ESRP1: variants seen among roughly 807,000 people sequenced by gnomAD.
ESRP1 encodes RNA-binding motif protein 35A.
In ESRP1, 33 loss-of-function variants were observed where a neutral mutation model predicts 81.7. That is an observed-to-expected ratio of 0.40 (90% CI 0.31 to 0.54). The LOEUF is 0.54. Among genes scored for constraint, ESRP1 ranks in the 20% least tolerant of loss-of-function variants. The probability of loss-of-function intolerance (pLI) is 0.41; values close to 1 mark genes in which losing one functional copy is unlikely to be tolerated. For synonymous variants in ESRP1, 320 were observed against 303.3 expected, an observed-to-expected ratio of 1.06 and a Z score of -0.57; for missense variants, 672 against 833.1, an observed-to-expected ratio of 0.81 and a Z score of 2.38.
At chr8:94,689,810 G>GTTTTTTTTT (rs1563545236) in intron 13 of ESRP1, among the ~76,000 whole-genome samples, 1 of 55,328 alleles carries the variant, frequency 1.8e-5, no homozygotes, top group African/African-American at 6.6e-5. Context: ...ATGATGCCTG[G>GTTTTTTTTT]CTTTTTTTTT....
Position 94,706,272 on chromosome 8 carries a change from C to A in ESRP1, c.*383C>A. 3.7e-6 allele frequency: 1 copy of A among 270,692 alleles called. No individual in the cohort carries two copies. The highest frequency in any genetic ancestry group is 7.0e-6 in the Non-Finnish European group (1 of 143,282). The allele number at this position is 270,692 out of a possible 1,614,324, so 16.8% of individuals were successfully genotyped here. The stretch of plus-strand genomic sequence containing the variant: ...AAAACTCCACCAGTGTCTACCATCT[C>A]CACCATGAACTCTGTTAAGGAAGCT... On this transcript the variant is annotated 3_prime_UTR_variant, in exon 16 of 16. Transcript: ENST00000433389.
At chr8:94,678,489 C>T in intron 13 of ESRP1, 118 bp downstream of exon 13, 2 of 1,194,618 alleles carry the variant, frequency 1.7e-6, no homozygotes, top group Non-Finnish European at 2.3e-6. Flanking sequence ...TGGCAGGCCA[C>T]AGCCTCTGGT....
rs58359551 is a variant in ESRP1 at position 94,689,811 on chromosome 8, C to CTTTTTTTTTT, written c.1821-2850_1821-2841dup. Among the ~76,000 whole-genome samples the CTTTTTTTTTT allele has an allele frequency of 1.9e-3, 123 of 64,648 alleles. 13 individuals are homozygous for CTTTTTTTTTT. The highest frequency in any genetic ancestry group is 7.7e-3 in the African/African-American group (112 of 14,502). 42.4% of individuals were successfully genotyped at this position (64,648 alleles called of 152,430 possible). On this transcript the variant is annotated intron_variant, in intron 13 of 15. Coordinates refer to ENST00000433389, the MANE Select transcript of ESRP1 (RefSeq NM_017697.4). ...CACAGGCATGTGCTATGATGCCTGG[C>CTTTTTTTTTT]TTTTTTTTTTTTTTTTTTTTTTTTT... is the stretch of plus-strand genomic sequence containing the variant.
Position 94,671,622 on chromosome 8 carries a change from T to A in ESRP1, c.1403T>A (p.Phe468Tyr). The A allele has an allele frequency of 6.2e-7, 1 of 1,613,960 alleles. No individual in the cohort carries two copies. The highest frequency in any genetic ancestry group is 1.3e-5 in the African/African-American group (1 of 75,024). The stretch of plus-strand genomic sequence containing the variant: ...GACATCCTGGATTTCCTGGGGGAGT[T>A]CGCCACAGATATTCGTACTCATGGG... ...IEDILDFLGE[F>Y]ATDIRTHGVH... is the part of the protein sequence containing the mutation. The change falls in exon 11 of 16, where the codon TTC becomes TAC. Residue 468 changes from phenylalanine to tyrosine, a missense_variant. By Grantham distance (22) the Phe-to-Tyr change is conservative (BLOSUM62 3). Transcript: ENST00000433389.
In ESRP1 at chr8:94,641,929, C is replaced by G. The variant is rs750554510; in HGVS notation, c.133-27C>G. 5 of 1,611,864 alleles carry G rather than the reference C, an allele frequency of 3.1e-6. No individual in the cohort carries two copies. The African/African-American group carries it at 4.0e-5, about 13-fold the overall frequency. On this transcript the variant is annotated intron_variant, in intron 1 of 15. Coordinates refer to ENST00000433389, the MANE Select transcript of ESRP1 (RefSeq NM_017697.4). ...AAAGAGGCTCCGAAATTGGGGGAAA[C>G]TGACCCGTGCTTCTCTACCTTCGGA...
At chr8:94,680,386 A>G (rs554866817) in intron 13 of ESRP1, among the ~76,000 whole-genome samples, 2 of 152,344 alleles carry the variant, frequency 1.3e-5, no homozygotes, top group Admixed American at 1.3e-4. Context: ...ATGATTTAAA[A>G]AGCATATGCC....
intron 6 of ESRP1, among the ~76,000 whole-genome samples, chr8:94,663,364 G>C (rs747618637): frequency 3.3e-5 from 5 of 152,152 alleles, no homozygotes; most frequent in African/African-American, 4.8e-5. Flanking sequence ...TTGTGCCTCA[G>C]CCTTCCCAGT....
chr8:94,676,923 C>T (rs932401682), intron 12 of ESRP1, among the ~76,000 whole-genome samples: 5 of 151,842 alleles, frequency 3.3e-5, no homozygotes, highest in African/African-American at 4.8e-5. Context: ...GAGGCCAAGG[C>T]GGGCAGATCA....
At chr8:94,649,394 G>T (rs550901588) in intron 4 of ESRP1, 1 of 151,476 alleles carries the variant, frequency 6.6e-6, no homozygotes, top group Non-Finnish European at 1.5e-5. Context: ...AGATGTAGTC[G>T]TGCTATGTTA....
At chr8:94,699,191 G>A (rs534472309) in intron 15 of ESRP1, among the ~76,000 whole-genome samples, 3 of 152,248 alleles carry the variant, frequency 2.0e-5, no homozygotes, top group South Asian at 2.1e-4. Flanking sequence ...AACTGACTAC[G>A]AACCATTACT....
intron 15 of ESRP1, among the ~76,000 whole-genome samples, chr8:94,699,909 T>TA (rs33953322): frequency 4.3e-4 from 8 of 18,424 alleles, no homozygotes; most frequent in Admixed American, 3.1e-3. Context: ...TTATATATAT[T>TA]TTTTTACCGC....
In ESRP1 at chr8:94,680,971, G is replaced by A. The variant is rs1808849494; in HGVS notation, c.1820+2600G>A. On this transcript the variant is annotated intron_variant, in intron 13 of 15. Transcript: ENST00000433389. ...TAATCCCAGCGCTTTGGGAGGCAAA[G>A]GTGGGAGGATCACTGGAAGCCAGTA... 2.6e-5 allele frequency among the ~76,000 whole-genome samples: 4 copies of A among 151,994 alleles called. No individual in the cohort carries two copies. In the South Asian group the frequency reaches 8.3e-4, roughly 32 times the overall value.
At chr8:94,705,207 G>T (rs1178488072) in intron 15 of ESRP1, among the ~76,000 whole-genome samples, 1 of 118,666 alleles carries the variant, frequency 8.4e-6, no homozygotes, top group Non-Finnish European at 1.6e-5. Context: ...TCCCTCTGTT[G>T]CCCAGGCTGG....
chr8:94,704,313 A>G (rs1809967495), intron 15 of ESRP1, among the ~76,000 whole-genome samples: 1 of 152,136 alleles, frequency 6.6e-6, no homozygotes, highest in Non-Finnish European at 1.5e-5. Flanking sequence ...TACATGTCAA[A>G]GTATGCATAA....
At chr8:94,704,606 A>G (rs1301170610) in intron 15 of ESRP1, among the ~76,000 whole-genome samples, 1 of 151,974 alleles carries the variant, frequency 6.6e-6, no homozygotes, top group Non-Finnish European at 1.5e-5. Context: ...TTTACAAACA[A>G]TTTGAAAATT....
In ESRP1 at chr8:94,668,211, C is replaced by T; in HGVS notation, c.1194C>T (p.Tyr398=). The part of the protein sequence containing the change: ...RKHKDLLGKR[Y]IELFRSTAAE... ...ATAAAGACTTGTTGGGTAAAAGATACATTGAACTCTTCAGGAGCACAGCAG... is the reference window on the plus strand; with the variant it reads ...ATAAAGACTTGTTGGGTAAAAGATATATTGAACTCTTCAGGAGCACAGCAG... The change falls in exon 10 of 16, where the codon TAC becomes TAT. Residue 398 remains tyrosine, a synonymous_variant. Coordinates refer to ENST00000433389, the MANE Select transcript of ESRP1 (RefSeq NM_017697.4). The T allele has an allele frequency of 1.2e-6, 2 of 1,610,698 alleles. No individual in the cohort carries two copies. Among genetic ancestry groups the T allele is most frequent in the Non-Finnish European group, 1.7e-6 (2 of 1,177,582 alleles).
chr8:94,681,243 G>A (rs1051388047), intron 13 of ESRP1, among the ~76,000 whole-genome samples: 3 of 146,722 alleles, frequency 2.0e-5, no homozygotes, highest in African/African-American at 5.1e-5. Flanking sequence ...GGAGAATGGC[G>A]TGAACCCGGG....
Position 94,705,902 on chromosome 8 carries a change from ACTTT to A in ESRP1, c.*36-22_*36-19del. On this transcript the variant is annotated intron_variant, in intron 15 of 15. Coordinates refer to ENST00000433389, the MANE Select transcript of ESRP1 (RefSeq NM_017697.4). ...GAGACTATAACATTTCCTTTTATTC[ACTTT>A]TTTTTTTTTTTTTTTCAGTGTTTGA... 1 of 1,207,568 alleles carries A rather than the reference ACTTT, an allele frequency of 8.3e-7. No individual in the cohort carries two copies. The highest frequency in any genetic ancestry group is 1.1e-6 in the Non-Finnish European group (1 of 923,716). 74.8% of individuals were successfully genotyped at this position (1,207,568 alleles called of 1,614,324 possible).
In ESRP1 at chr8:94,662,287, A is replaced by G; in HGVS notation, c.506A>G (p.Lys169Arg). 2 of 1,567,000 alleles carry G rather than the reference A, an allele frequency of 1.3e-6. No individual in the cohort carries two copies. Among genetic ancestry groups the G allele is most frequent in the Non-Finnish European group, 1.7e-6 (2 of 1,155,270 alleles). Residue 169 changes from lysine (K) to arginine (R), a missense_variant, in exon 5 of 16, where the codon AAG (lysine) becomes AGG (arginine). Coordinates refer to ENST00000433389, the MANE Select transcript of ESRP1 (RefSeq NM_017697.4). The stretch of plus-strand genomic sequence containing the variant: ...AATCTCACAGATTTAAATTTTGAGA[A>G]GAGTAGTTCAGTCTCTCGATATGGA... ...ATMTEYLNFEKSSSVSRYGAS... is the reference protein window; with the variant it reads ...ATMTEYLNFERSSSVSRYGAS...
Sources: gnomAD v4.1 joint callset for allele counts (sites outside exome capture counted in the v4.1 genomes callset) on GRCh38, gnomAD v4.1.1 for gene constraint, MANE v1.5 for transcripts, NCBI Gene and HGNC (gene_info 2026-07-23, HGNC 2026-07-21) for gene names.